The following BANP variants were observed in gnomAD, a reference collection of about 807,000 sequenced individuals.
The protein encoded by BANP is BTG3 associated nuclear protein.
Under a neutral mutation model 68.1 loss-of-function variants are expected in BANP, and 11 were observed. The observed-to-expected ratio is 0.16, with a 90% CI of 0.10 to 0.27. The LOEUF (loss-of-function observed/expected upper bound fraction) is 0.27, where lower values mean the gene tolerates loss of function less well. Among genes scored for constraint, BANP ranks in the 10% least tolerant of loss-of-function variants. BANP has a pLI of 1.00. For synonymous variants in BANP, 329 were observed against 303.2 expected, an observed-to-expected ratio of 1.09 and a Z score of -0.88; for missense variants, 504 against 722.7, an observed-to-expected ratio of 0.70 and a Z score of 3.47.
At position 87,951,463 on chromosome 16, in the gene BANP, C is replaced by T. The variant is rs1020802552; in HGVS notation, c.-121C>T. 1 of 152,136 alleles carries T rather than the reference C, an allele frequency of 6.6e-6. No homozygotes were observed. Among genetic ancestry groups the T allele is most frequent in the Non-Finnish European group, 1.5e-5 (1 of 67,898 alleles). The allele number at this position is 152,136 out of a possible 1,614,324, so 9.4% of individuals were successfully genotyped here. On this transcript the variant is annotated 5_prime_UTR_variant, in exon 1 of 14. In the 5' UTR this introduces an upstream ATG that the reference lacks. Coordinates refer to ENST00000682872, the MANE Select transcript of BANP (RefSeq NM_001386991.1). ...CGGCGGCTTCTCTCGCGAGGACGGA[C>T]GCCATTATCGCATCTCCCCGACAAA...
At chr16:87,973,857 A>T (rs2061570956) in intron 1 of BANP, among the ~76,000 whole-genome samples, 1 of 152,114 alleles carries the variant, frequency 6.6e-6, no homozygotes, top group African/African-American at 2.4e-5. Flanking sequence ...TGCATTATTT[A>T]TTGGATTGAA....
At chr16:87,978,751 C>T in intron 2 of BANP, 1 of 438,126 alleles carries the variant, frequency 2.3e-6, no homozygotes, top group South Asian at 1.6e-5. Flanking sequence ...GTCACAGGTG[C>T]TGATAATCAA....
chr16:88,064,230 G>A lies in BANP; in HGVS notation c.1312-1037G>A, dbSNP rs992023106. Among the ~76,000 whole-genome samples, 1 of 152,148 alleles carries A rather than the reference G, an allele frequency of 6.6e-6. No individual in the cohort carries two copies. Among genetic ancestry groups the A allele is most frequent in the Non-Finnish European group, 1.5e-5 (1 of 68,014 alleles). The stretch of plus-strand genomic sequence containing the variant: ...GCAGGGGGGGAGAGTGGACAGCGAG[G>A]CGGTGGATGTTGAGGCAGTTGTGCG... On this transcript the variant is annotated intron_variant, in intron 11 of 13. Coordinates refer to ENST00000682872, the MANE Select transcript of BANP (RefSeq NM_001386991.1). The surrounding 1 kb of genome is among the most constrained non-coding windows in gnomAD (Gnocchi z 4.5).
At chr16:87,997,603 G>A (rs989794677) in intron 4 of BANP, among the ~76,000 whole-genome samples, 1 of 152,142 alleles carries the variant, frequency 6.6e-6, no homozygotes, top group Non-Finnish European at 1.5e-5. Context: ...AAAATAGCCA[G>A]GATGGCTGGG....
chr16:87,995,865 G>T (rs571168780), intron 4 of BANP, among the ~76,000 whole-genome samples: 2 of 152,238 alleles, frequency 1.3e-5, no homozygotes, highest in Non-Finnish European at 2.9e-5. Context: ...TGTTCATGCC[G>T]TGAGCTGGAG....
At chr16:88,067,517 A>G (rs1322508219) in intron 12 of BANP, among the ~76,000 whole-genome samples, 1 of 152,100 alleles carries the variant, frequency 6.6e-6, no homozygotes, top group Non-Finnish European at 1.5e-5. Flanking sequence ...CACCTGCTGC[A>G]CTGCCACCGC....
At chr16:87,964,843 G>A (rs1200666144) in intron 1 of BANP, among the ~76,000 whole-genome samples, 1 of 152,214 alleles carries the variant, frequency 6.6e-6, no homozygotes, top group African/African-American at 2.4e-5. Context: ...CTGGGAAGTA[G>A]GTGTTGCCTT....
intron 11 of BANP, among the ~76,000 whole-genome samples, chr16:88,061,771 T>A (rs1322386026): frequency 6.6e-6 from 1 of 151,970 alleles, no homozygotes; most frequent in Non-Finnish European, 1.5e-5. Flanking sequence ...GTTCAAGCAA[T>A]TCTCCTGCCT....
At chr16:88,007,728 C>G (rs958880833) in intron 6 of BANP, among the ~76,000 whole-genome samples, 5 of 152,206 alleles carry the variant, frequency 3.3e-5, no homozygotes, top group Non-Finnish European at 5.9e-5. Flanking sequence ...GTTAGGAAGA[C>G]TCATTACCGT....
Position 88,065,283 on chromosome 16 carries a change from G to T in BANP, c.1328G>T (p.Arg443Leu). 1 of 766,148 alleles carries T rather than the reference G, an allele frequency of 1.3e-6. No homozygotes were observed. The allele number at this position is 766,148 out of a possible 1,614,324, so 47.5% of individuals were successfully genotyped here. A position where few individuals can be genotyped will look rare whatever the true frequency, so the allele number is the denominator to read the frequency against. ...GQDGQLLEAT[R>L]IPCLLAPSVF... ...CTTTTCCAGCTTCTAGAGGCCACCC[G>T]CATCCCCTGCCTCCTGGCCCCATCC... is the stretch of plus-strand genomic sequence containing the variant. Residue 443 changes from arginine to leucine, a missense_variant, in exon 12 of 14, where the codon CGC (arginine) becomes CTC (leucine). Coordinates refer to ENST00000682872, the MANE Select transcript of BANP (RefSeq NM_001386991.1).
intron 1 of BANP, among the ~76,000 whole-genome samples, chr16:87,969,759 C>A (rs1253172093): frequency 6.6e-6 from 1 of 152,012 alleles, no homozygotes; most frequent in Admixed American, 6.6e-5. Context: ...GTCTCGAACA[C>A]CTGACCTCTT....
At chr16:88,010,524 T>C (rs2094768590) in intron 6 of BANP, among the ~76,000 whole-genome samples, 2 of 152,246 alleles carry the variant, frequency 1.3e-5, no homozygotes, top group South Asian at 4.1e-4. Flanking sequence ...ATCCTGCAGC[T>C]GCTACTGGCA....
chr16:87,973,766 A>G (rs998498097), intron 1 of BANP, among the ~76,000 whole-genome samples: 1 of 147,794 alleles, frequency 6.8e-6, no homozygotes, highest in African/African-American at 2.6e-5. Context: ...AAAAAAAAAA[A>G]AAAAAAAAGA....
intron 7 of BANP, among the ~76,000 whole-genome samples, chr16:88,027,063 T>A (rs142800651): frequency 0.015 from 2,302 of 152,340 alleles, 13 homozygotes; most frequent in Middle Eastern, 0.02. Context: ...CAGCGAGTTC[T>A]GATCCAATTG....
chr16:88,004,365 C>A lies in BANP; in HGVS notation c.433C>A (p.Pro145Thr), dbSNP rs779081020. 25 of 1,549,488 alleles carry A rather than the reference C, an allele frequency of 1.6e-5. No homozygotes were observed. In the South Asian group the frequency reaches 3.0e-4, roughly 18 times the overall value. Residue 145 changes from proline (P) to threonine (T), a missense_variant, in exon 5 of 14, where the codon CCC (proline) becomes ACC (threonine). By Grantham distance (38) the Pro-to-Thr change is conservative. Transcript: ENST00000682872. This position sits in a 1 kb window ranked among gnomAD's most constrained non-coding sequence, Gnocchi z 7.0. The stretch of plus-strand genomic sequence containing the variant: ...CGCCATTGTAGCCAAGATGGAAGAC[C>A]CCTTGAGCAACAGGGCACCGGATTC... ...QNAIVAKMED[P>T]LSNRAPDSLE...
intron 4 of BANP, among the ~76,000 whole-genome samples, chr16:87,993,267 G>T (rs931159102): frequency 2.0e-5 from 3 of 152,192 alleles, no homozygotes. Flanking sequence ...CCTGCACTTG[G>T]GAAGGAAGCT....
At chr16:88,034,866 T>C (rs1305932062) in intron 9 of BANP, among the ~76,000 whole-genome samples, 1 of 152,196 alleles carries the variant, frequency 6.6e-6, no homozygotes, top group Non-Finnish European at 1.5e-5. Context: ...CATAGTCAAC[T>C]GTGATCTGAA....
intron 13 of BANP, among the ~76,000 whole-genome samples, chr16:88,073,428 T>C (rs2090875046): frequency 6.6e-6 from 1 of 152,058 alleles, no homozygotes; most frequent in Non-Finnish European, 1.5e-5. Context: ...ATGGGCGCGG[T>C]GGCCCCCGCA....
chr16:87,974,731 G>C (rs1373982047), intron 1 of BANP, among the ~76,000 whole-genome samples: 1 of 152,158 alleles, frequency 6.6e-6, no homozygotes, highest in Admixed American at 6.6e-5. Flanking sequence ...CTGGAGACTT[G>C]GGCTGAGGGA....
Sources: allele counts gnomAD v4.1 joint callset (sites outside exome capture counted in the v4.1 genomes callset), GRCh38; gene constraint gnomAD v4.1.1; non-coding constraint Gnocchi (gnomAD v3.1); transcripts MANE v1.5; gene names NCBI Gene and HGNC (gene_info 2026-07-23, HGNC 2026-07-21).